The following ADAMTSL2 variants were observed in gnomAD, a reference collection of about 807,000 sequenced individuals.
ADAMTSL2 encodes the protein ADAMTS like 2.
A neutral mutation model predicts 117.0 loss-of-function variants in ADAMTSL2; 55 were observed. That is an observed-to-expected ratio of 0.47 (90% confidence interval 0.38 to 0.59). The LOEUF (loss-of-function observed/expected upper bound fraction) is 0.59, where lower values mean the gene tolerates loss of function less well. Ranked by LOEUF, ADAMTSL2 falls within the 20% of genes least tolerant of loss-of-function variation. The pLI, the probability that ADAMTSL2 is intolerant of heterozygous loss-of-function variation, is 0.00. For synonymous variants in ADAMTSL2, 572 were observed against 566.4 expected (o/e 1.01, Z -0.14); for missense variants, 1,182 against 1,354.5 (o/e 0.87, Z 2.00).
At chr9:133,539,686 G>GTCCCGTCTGTCC in intron 4 of ADAMTSL2, 85 bp from the exon 5 acceptor site, 1 of 1,305,782 alleles carries the variant, frequency 7.7e-7, no homozygotes. Flanking sequence ...TGTCCCGGCT[G>GTCCCGTCTGTCC]CAGCCACTTC....
upstream of ADAMTSL2, chr9:133,532,712 A>G (rs1008250): frequency 0.29 from 43,815 of 152,074 alleles, 6,578 homozygotes; most frequent in African/African-American, 0.34. Flanking sequence ...ATCAGGAGCT[A>G]CCAGAGCACC....
chr9:133,534,576 G>A (rs554999581), upstream of ADAMTSL2: 1 of 1,105,438 alleles, frequency 9.0e-7, no homozygotes, highest in African/African-American at 1.6e-5. Flanking sequence ...GGGCTCCAGA[G>A]GCGCAGAGCG....
chr9:133,574,073 T>C, intron 18 of ADAMTSL2, 86 bp downstream of exon 18: 2 of 1,509,210 alleles, frequency 1.3e-6, no homozygotes, highest in Non-Finnish European at 1.8e-6. Flanking sequence ...GAGCAGACAT[T>C]GCTCACCTTG....
intron 9 of ADAMTSL2, among the ~76,000 whole-genome samples, chr9:133,550,836 TGTC>T (rs1317759526): frequency 1.3e-5 from 2 of 152,314 alleles, no homozygotes; most frequent in South Asian, 2.1e-4. Flanking sequence ...GACTAGCCTG[TGTC>T]CAGTGGCAAG....
chr9:133,539,066 G>T, intron 4 of ADAMTSL2, among the ~76,000 whole-genome samples: 1 of 152,198 alleles, frequency 6.6e-6, no homozygotes, highest in Non-Finnish European at 1.5e-5. Context: ...AGCAGCTGGG[G>T]GTCTCTGTGT....
chr9:133,573,729 G>A lies in ADAMTSL2; in HGVS notation c.2593-114G>A. 5 of 1,389,382 alleles carry A rather than the reference G, an allele frequency of 3.6e-6. No individual in the cohort carries two copies. The South Asian group carries it at 4.8e-5, about 13-fold the overall frequency. The allele number at this position is 1,389,382 out of a possible 1,614,324, so 86.1% of individuals were successfully genotyped here. ...GGTCCTGTGTCAGTTGGGACTCATG[G>A]CCGCCTGGGAAGGGTGGGGTGGGGA... On this transcript the variant is annotated intron_variant, in intron 17 of 18. Transcript: ENST00000651351.
In ADAMTSL2 at chr9:133,540,239, T is replaced by C. The variant is rs77670327; in HGVS notation, c.413-359T>C. Among the ~76,000 whole-genome samples, 729 of 152,214 alleles carry C rather than the reference T, an allele frequency of 4.8e-3. 35 individuals carry two copies. The East Asian group carries it at 0.1, about 22-fold the overall frequency. On this transcript the variant is annotated intron_variant, in intron 5 of 18. Coordinates refer to ENST00000651351, the MANE Select transcript of ADAMTSL2 (RefSeq NM_014694.4). Reference sequence around the variant, plus strand: ...GGAAAGCAAGTAGCTCAGGCAACAGTGTAAATGCTTCATCCTTCTCCTGCT... The same window carrying C: ...GGAAAGCAAGTAGCTCAGGCAACAGCGTAAATGCTTCATCCTTCTCCTGCT...
At chr9:133,544,595 G>A in intron 8 of ADAMTSL2, 45 bp downstream of exon 8, 1 of 1,527,734 alleles carries the variant, frequency 6.5e-7, no homozygotes. Flanking sequence ...GCTTTTGGTT[G>A]TGGAGCGTTG....
chr9:133,568,399 G>A lies in ADAMTSL2; in HGVS notation c.2001G>A (p.Glu667=). 2.5e-6 allele frequency: 4 copies of A among 1,607,794 alleles called. No homozygotes were observed. The highest frequency in any genetic ancestry group is 3.4e-6 in the Non-Finnish European group (4 of 1,177,984). ...GCTCCGTGTACAGCGACCTGTGCGA[G>A]GCAGCCGAGGCCGTGCGGCCCGAGG... The part of the protein sequence containing the change: ...FDSSVYSDLC[E]AAEAVRPEER... The change falls in exon 14 of 19, where the codon GAG becomes GAA. Residue 667 remains glutamate (E), a synonymous_variant. Transcript: ENST00000651351.
intron 14 of ADAMTSL2, 28 bp from the exon 15 acceptor site, chr9:133,568,575 C>A: frequency 1.3e-6 from 2 of 1,554,446 alleles, no homozygotes; most frequent in East Asian, 2.4e-5. Context: ...TGTCACACCC[C>A]CCCTGCCCCC....
rs1029384504 is a variant in ADAMTSL2, at chr9:133,555,880, C to T, written c.1599C>T (p.Asn533=). ...GCTCCTCCGAGGCCCCATTCCCCAA[C>T]GTTAGCACCAGCCTGCTCACCTCGG... ...ANSSSEAPFP[N]VSTSLLTSAG... The change falls in exon 11 of 19, where the codon AAC becomes AAT. Residue 533 remains asparagine (N), a synonymous_variant. Transcript: ENST00000651351. 2.6e-5 allele frequency: 42 copies of T among 1,613,212 alleles called. No individual in the cohort carries two copies. Among genetic ancestry groups the T allele is most frequent in the Middle Eastern group, 3.3e-4 (2 of 6,028 alleles).
At chr9:133,552,471 T>C (rs1830510162) in intron 9 of ADAMTSL2, among the ~76,000 whole-genome samples, 2 of 152,260 alleles carry the variant, frequency 1.3e-5, no homozygotes, top group Admixed American at 6.5e-5. Flanking sequence ...GATGCCTTTA[T>C]AGTGTATTGT....
At chr9:133,559,447 C>T (rs2131149934) in intron 11 of ADAMTSL2, among the ~76,000 whole-genome samples, 2 of 149,314 alleles carry the variant, frequency 1.3e-5, no homozygotes, top group South Asian at 4.3e-4. Context: ...AGGTTCATGC[C>T]ATTCTCTTGC....
intron 12 of ADAMTSL2, among the ~76,000 whole-genome samples, chr9:133,564,052 A>G (rs1019745632): frequency 1.4e-3 from 27 of 19,848 alleles, no homozygotes; most frequent in South Asian, 4.1e-3. Context: ...GAGAGAGAGA[A>G]AGGGGGAGAG....
rs1400518825 is a variant in ADAMTSL2, at chr9:133,574,977, C to G, written c.*113C>G. The G allele has an allele frequency of 2.5e-6, 2 of 814,218 alleles. No homozygotes were observed. The highest frequency in any genetic ancestry group is 4.2e-6 in the Non-Finnish European group (2 of 479,726). 50.4% of individuals were successfully genotyped at this position (814,218 alleles called of 1,614,324 possible). ...CTGCGGGGCACGCTGGCCTAAGAGA[C>G]GTGGCACTGAGCCTCGGCTGTCGAG... On this transcript the variant is annotated 3_prime_UTR_variant, in exon 19 of 19. Coordinates refer to ENST00000651351, the MANE Select transcript of ADAMTSL2 (RefSeq NM_014694.4).
At chr9:133,534,398 G>A, upstream of ADAMTSL2, 1 of 236,898 alleles carries the variant, frequency 4.2e-6, no homozygotes, top group Non-Finnish European at 8.1e-6. Flanking sequence ...GGCGGGGCTG[G>A]GGCTTTGCCA....
intron 12 of ADAMTSL2, among the ~76,000 whole-genome samples, chr9:133,564,571 AG>A (rs1427983618): frequency 2.1e-5 from 2 of 94,272 alleles, no homozygotes; most frequent in Non-Finnish European, 4.1e-5. Flanking sequence ...AGAGAGGGAG[AG>A]GGAGAGAGAA....
At chr9:133,572,285 C>G (rs1236227451) in intron 17 of ADAMTSL2, among the ~76,000 whole-genome samples, 1 of 151,998 alleles carries the variant, frequency 6.6e-6, no homozygotes, top group African/African-American at 2.4e-5. Flanking sequence ...CCAAAGGACC[C>G]CCGAGTGAGG....
chr9:133,569,609 C>T (rs900354895), intron 16 of ADAMTSL2, 31 bp downstream of exon 16: 8 of 1,551,318 alleles, frequency 5.2e-6, no homozygotes, highest in Admixed American at 2.0e-5. Flanking sequence ...GGAAGGGCCT[C>T]CTGGTATCTG....
Sources: allele counts gnomAD v4.1 joint callset (sites outside exome capture counted in the v4.1 genomes callset), GRCh38; gene constraint gnomAD v4.1.1; transcripts MANE v1.5; gene names NCBI Gene and HGNC (gene_info 2026-07-23, HGNC 2026-07-21).